Variants in NUMA1 observed in about 807,000 individuals in gnomAD.
NUMA1 encodes nuclear mitotic apparatus protein 1, also known as SP-H antigen.
NUMA1 carries 62 observed loss-of-function variants against 237.1 expected under a neutral mutation model. The observed-to-expected ratio is 0.26, with a 90% confidence interval of 0.21 to 0.32. The LOEUF (loss-of-function observed/expected upper bound fraction) is 0.32. Among genes scored for constraint, NUMA1 ranks in the 10% least tolerant of loss-of-function variants. The pLI is 1.00. For synonymous variants in NUMA1, 1,028 were observed against 1,066.1 expected (o/e 0.96, Z 0.70); for missense variants, 2,533 against 2,666.5 (o/e 0.95, Z 1.10).
chr11:72,007,650 C>T, intron 20 of NUMA1: 2 of 617,356 alleles, frequency 3.2e-6, no homozygotes, highest in Non-Finnish European at 5.7e-6. Flanking sequence ...CTCATAGTGG[C>T]AATGCCCAGA....
At chr11:72,027,068 C>G (rs554459263) in intron 4 of NUMA1, among the ~76,000 whole-genome samples, 1 of 152,296 alleles carries the variant, frequency 6.6e-6, no homozygotes, top group African/African-American at 2.4e-5. Context: ...GTGGCTAACC[C>G]AAGGACAACA....
At position 72,004,229 on chromosome 11, in the gene NUMA1, TTAG is replaced by T. The variant is rs774487893; in HGVS notation, c.6116_6118del (p.Thr2039del). On this transcript the variant is annotated inframe_deletion, in exon 25 of 27. Coordinates refer to ENST00000393695, the MANE Select transcript of NUMA1 (RefSeq NM_006185.4). ...CCCCTTCAGCCCCAGCCTCACCTGTTTAGTAGAAGCTGGAGCTGCTTTCTTCTG... is the reference window on the plus strand; with the variant it reads ...CCCCTTCAGCCCCAGCCTCACCTGTTTAGAAGCTGGAGCTGCTTTCTTCTG... 4.3e-6 allele frequency: 7 copies of T among 1,610,662 alleles called. No individual in the cohort carries two copies. The South Asian group carries it at 5.5e-5, about 13-fold the overall frequency.
rs1159084850 is a variant in NUMA1, at chr11:72,019,498, T to A, written c.580A>T (p.Asn194Tyr). 1 of 1,613,074 alleles carries A rather than the reference T, an allele frequency of 6.2e-7. No individual in the cohort carries two copies. The highest frequency in any genetic ancestry group is 8.5e-7 in the Non-Finnish European group (1 of 1,179,470). ...GAGGAGAGGCCCAGAACATACTTGT[T>A]CCCACTGGAAGAGGAGGCAACCTTC... ...LQKVASSSSGNNFLSGSPASP... is the reference protein window; with the variant it reads ...LQKVASSSSGYNFLSGSPASP... The change falls in exon 9 of 27, where the codon AAC becomes TAC. Residue 194 changes from asparagine (N) to tyrosine (Y), a missense_variant. Asn to Tyr is a moderately radical substitution (Grantham distance 143). This residue lies in a region of NUMA1 where 1,414 missense variants were observed against 1,508.1 expected (regional missense o/e 0.94). Coordinates refer to ENST00000393695, the MANE Select transcript of NUMA1 (RefSeq NM_006185.4).
intron 5 of NUMA1, 42 bp downstream of exon 5, chr11:72,024,232 G>T: frequency 6.3e-7 from 1 of 1,585,464 alleles, no homozygotes; most frequent in South Asian, 1.1e-5. Flanking sequence ...CCCACGAGCT[G>T]AGGAAGCAGC....
intron 4 of NUMA1, among the ~76,000 whole-genome samples, chr11:72,027,784 A>G (rs1227564838): frequency 6.6e-6 from 1 of 152,240 alleles, no homozygotes; most frequent in Non-Finnish European, 1.5e-5. Context: ...ATGAACTGCA[A>G]TAAGGGCAGA....
chr11:72,031,593 A>T lies in NUMA1; in HGVS notation c.43-2303T>A, dbSNP rs1209781205. Among the ~76,000 whole-genome samples, 5 of 149,136 alleles carry T rather than the reference A, an allele frequency of 3.4e-5. No homozygotes were observed. The East Asian group carries it at 1.0e-3, about 30-fold the overall frequency. On this transcript the variant is annotated intron_variant, in intron 3 of 26. Coordinates refer to ENST00000393695, the MANE Select transcript of NUMA1 (RefSeq NM_006185.4). ...AAGGACTGCTTGAGGCCAGGAGTTC[A>T]AGACCAGCCTGGGCAACATAAGGAG...
chr11:72,009,785 C>G (rs533211296), intron 17 of NUMA1, among the ~76,000 whole-genome samples: 30 of 152,202 alleles, frequency 2.0e-4, no homozygotes, highest in Non-Finnish European at 3.5e-4. Context: ...CTTGTTTCTC[C>G]TCAAAGCCAC....
At chr11:72,018,037 A>G in intron 12 of NUMA1, 146 bp downstream of exon 12, 1 of 925,162 alleles carries the variant, frequency 1.1e-6, no homozygotes, top group Non-Finnish European at 1.7e-6. Flanking sequence ...ATTATGGGAT[A>G]AGGAAAGGGG....
At chr11:72,041,611 C>T (rs750670364) in intron 2 of NUMA1, 2 of 152,290 alleles carry the variant, frequency 1.3e-5, no homozygotes, top group Non-Finnish European at 2.9e-5. Flanking sequence ...AGGAGGAAGA[C>T]CCGGGAACAG....
At position 72,014,127 on chromosome 11, in the gene NUMA1, G is replaced by A. The variant is rs754989027; in HGVS notation, c.3376C>T (p.Arg1126Trp). 44 of 1,612,194 alleles carry A rather than the reference G, an allele frequency of 2.7e-5. No individual in the cohort carries two copies. Among genetic ancestry groups the A allele is most frequent in the Admixed American group, 5.0e-5 (3 of 60,012 alleles). Residue 1126 changes from arginine to tryptophan, a missense_variant, in exon 15 of 27, where the codon CGG becomes TGG. Arg to Trp is a moderately radical substitution (Grantham distance 101). This residue lies in a region of NUMA1 where 1,414 missense variants were observed against 1,508.1 expected (regional missense o/e 0.94). Coordinates refer to ENST00000393695, the MANE Select transcript of NUMA1 (RefSeq NM_006185.4). This position sits in a 1 kb window ranked among gnomAD's most constrained non-coding sequence, Gnocchi z 4.6. ...EPTGPKLEALRAEVSKLEQQC... is the reference protein window; with the variant it reads ...EPTGPKLEALWAEVSKLEQQC... ...TGTTCCAGCTTGCTCACCTCTGCCC[G>A]CAGTGCCTCCAGCTTGGGGCCTGTT...
At chr11:72,055,712 G>A (rs947841903) in intron 2 of NUMA1, among the ~76,000 whole-genome samples, 33 of 151,946 alleles carry the variant, frequency 2.2e-4, no homozygotes, top group African/African-American at 7.0e-4. Context: ...AGGTCAGGAG[G>A]CTTGCACTTG....
At chr11:72,033,450 C>T (rs1940611171) in intron 3 of NUMA1, among the ~76,000 whole-genome samples, 1 of 151,648 alleles carries the variant, frequency 6.6e-6, no homozygotes, top group East Asian at 1.9e-4. Flanking sequence ...CAGCTCACTG[C>T]AGCTTCAACC....
chr11:72,029,271 G>A lies in NUMA1; in HGVS notation c.62C>T (p.Ala21Val). Residue 21 changes from alanine to valine, a missense_variant, in exon 4 of 27, where the codon GCT (alanine) becomes GTT (valine). By Grantham distance (64) the Ala-to-Val change is moderately conservative. Around this residue, in one of 3 missense-constraint regions of NUMA1, gnomAD observed 1,414 missense variants for 1,508.1 expected, o/e 0.94. Transcript: ENST00000393695. ...CTGCAGCACAGCCTCCACAGGGTCA[G>A]CCACGTGTAGACTGTTCACCTGTAA... ...LLSWVNSLHV[A>V]DPVEAVLQLQ... 6.2e-7 allele frequency: 1 copy of A among 1,608,658 alleles called. No homozygotes were observed. Among genetic ancestry groups the A allele is most frequent in the Non-Finnish European group, 8.5e-7 (1 of 1,179,308 alleles).
chr11:72,023,244 T>G, intron 5 of NUMA1, 97 bp from the exon 6 acceptor site: 8 of 876,184 alleles, frequency 9.1e-6, no homozygotes, highest in Non-Finnish European at 1.5e-5. Flanking sequence ...TGGCTATCTC[T>G]GGTGGGGCTA....
At chr11:72,054,183 T>A (rs566036619) in intron 2 of NUMA1, among the ~76,000 whole-genome samples, 5 of 151,766 alleles carry the variant, frequency 3.3e-5, no homozygotes, top group Admixed American at 6.6e-5. Flanking sequence ...AATGTAAGAG[T>A]GGCTGGGCAC....
At chr11:72,006,758 G>A (rs1955745880) in intron 21 of NUMA1, among the ~76,000 whole-genome samples, 2 of 152,142 alleles carry the variant, frequency 1.3e-5, no homozygotes, top group Admixed American at 6.5e-5. Context: ...CCCCCCTGCT[G>A]TACCAGGGGC....
intron 2 of NUMA1, among the ~76,000 whole-genome samples, chr11:72,054,747 A>G (rs1414867874): frequency 6.6e-6 from 1 of 152,228 alleles, no homozygotes; most frequent in Non-Finnish European, 1.5e-5. Context: ...TGAGATATCT[A>G]CTGGATATAC....
chr11:72,010,893 T>TTCCCCTGGATGTTCATCCTGGATG, intron 16 of NUMA1, 39 bp from the exon 17 acceptor site: 1 of 1,557,826 alleles, frequency 6.4e-7, no homozygotes, highest in Non-Finnish European at 8.9e-7. Context: ...TCAGGAGGAC[T>TTCCCCTGGATGTTCATCCTGGATG]TCCCCTGGAT....
At chr11:72,021,069 C>A in intron 8 of NUMA1, 135 bp downstream of exon 8, 1 of 710,776 alleles carries the variant, frequency 1.4e-6, no homozygotes. Context: ...TACTCCATTA[C>A]ACACACTTTT....
Sources: gnomAD v4.1 joint callset for allele counts (sites outside exome capture counted in the v4.1 genomes callset) on GRCh38, gnomAD v4.1.1 for gene constraint, gnomAD v4.1.1 regional missense constraint, Gnocchi (gnomAD v3.1) non-coding constraint, MANE v1.5 for transcripts, NCBI Gene and HGNC (gene_info 2026-07-23, HGNC 2026-07-21) for gene names.